The following CNOT4 variants were observed in gnomAD, a reference collection of about 807,000 sequenced individuals.
The protein encoded by CNOT4 is CCR4-NOT transcription complex subunit 4.
A neutral mutation model predicts 73.8 loss-of-function variants in CNOT4; 8 were observed. The ratio of observed to expected loss-of-function variants is 0.11; its 90% confidence interval spans 0.06 to 0.20. The LOEUF is 0.20. CNOT4 is among the 10% of genes least tolerant of loss of function. The pLI, the probability that CNOT4 is intolerant of heterozygous loss-of-function variation, is 1.00. For synonymous variants in CNOT4, 293 were observed against 321.1 expected (o/e 0.91, Z 0.94); for missense variants, 564 against 883.4 (o/e 0.64, Z 4.58).
At chr7:135,416,946 C>G (rs1394088120) in intron 3 of CNOT4, among the ~76,000 whole-genome samples, 1 of 152,124 alleles carries the variant, frequency 6.6e-6, no homozygotes, top group East Asian at 1.9e-4. Flanking sequence ...GTTTATTGAG[C>G]CAGAAACAAA....
chr7:135,407,221 T>G (rs1323580881), intron 7 of CNOT4, among the ~76,000 whole-genome samples: 1 of 152,230 alleles, frequency 6.6e-6, no homozygotes, highest in Non-Finnish European at 1.5e-5. Flanking sequence ...CCTGCAGAAC[T>G]GTGAGCCAAA....
intron 1 of CNOT4, among the ~76,000 whole-genome samples, chr7:135,479,369 C>T (rs1802213992): frequency 6.6e-6 from 1 of 151,206 alleles, no homozygotes; most frequent in Admixed American, 6.6e-5. Context: ...CCACCATGCC[C>T]AGCTAATTTT....
chr7:135,372,946 T>G, intron 10 of CNOT4, among the ~76,000 whole-genome samples: 1 of 152,178 alleles, frequency 6.6e-6, no homozygotes, highest in East Asian at 1.9e-4. Flanking sequence ...GAGCAGTGAT[T>G]CACAGGCCAC....
intron 1 of CNOT4, chr7:135,444,872 C>T: frequency 9.4e-6 from 15 of 1,596,026 alleles, no homozygotes; most frequent in Non-Finnish European, 1.3e-5. Context: ...CTGGGCTTTG[C>T]TATTTCAACT....
intron 1 of CNOT4, among the ~76,000 whole-genome samples, chr7:135,506,465 A>G (rs1329948280): frequency 2.0e-5 from 3 of 152,224 alleles, no homozygotes; most frequent in Non-Finnish European, 4.4e-5. Flanking sequence ...AGTTTTCACA[A>G]ATTAAAACCA....
chr7:135,484,347 G>C (rs1174258784), intron 1 of CNOT4, among the ~76,000 whole-genome samples: 1 of 152,028 alleles, frequency 6.6e-6, no homozygotes, highest in African/African-American at 2.4e-5. Flanking sequence ...AAACAGACTA[G>C]AACAGAAGAA....
At chr7:135,483,413 C>T (rs1011082810) in intron 1 of CNOT4, among the ~76,000 whole-genome samples, 1 of 151,742 alleles carries the variant, frequency 6.6e-6, no homozygotes, top group Non-Finnish European at 1.5e-5. Flanking sequence ...TCCAGGTATG[C>T]AAGGCTGGTT....
chr7:135,455,298 C>CG (rs981897958), intron 1 of CNOT4, among the ~76,000 whole-genome samples: 6 of 149,542 alleles, frequency 4.0e-5, no homozygotes, highest in Admixed American at 6.7e-5. Flanking sequence ...AACTATGTGG[C>CG]GAAAAAAAAA....
chr7:135,444,615 C>T (rs1320886942), intron 1 of CNOT4: 1 of 1,300,412 alleles, frequency 7.7e-7, no homozygotes, highest in African/African-American at 1.5e-5. Flanking sequence ...GTCACCGAGC[C>T]ACCATTCTGG....
intron 1 of CNOT4, among the ~76,000 whole-genome samples, chr7:135,458,953 G>T (rs1160784757): frequency 2.0e-5 from 3 of 152,026 alleles, no homozygotes; most frequent in Middle Eastern, 3.2e-3. Context: ...CTTCTAGAAT[G>T]ATGAATCCTT....
intron 1 of CNOT4, among the ~76,000 whole-genome samples, chr7:135,478,866 C>T (rs780664218): frequency 2.6e-4 from 39 of 152,056 alleles, no homozygotes; most frequent in African/African-American, 8.9e-4. Context: ...CCTAAAAATA[C>T]TAAGATGCTG....
rs528950044 is a variant in CNOT4, at chr7:135,362,791, A to G, written c.*94T>C. ...GATCAGGTACTGGATTCTTCAGAAC[A>G]TAAGAGATGAGAAGGGAGCTGTGGG... is the stretch of plus-strand genomic sequence containing the variant. On this transcript the variant is annotated 3_prime_UTR_variant, in exon 12 of 12. Transcript: ENST00000541284. 227 of 1,160,656 alleles carry G rather than the reference A, an allele frequency of 2.0e-4. 2 individuals carry two copies. In the South Asian group the frequency reaches 2.6e-3, roughly 13 times the overall value. 71.9% of individuals were successfully genotyped at this position (1,160,656 alleles called of 1,614,324 possible).
chr7:135,495,685 A>G (rs1803466470), intron 1 of CNOT4, among the ~76,000 whole-genome samples: 2 of 91,294 alleles, frequency 2.2e-5, no homozygotes, highest in African/African-American at 4.0e-5. Context: ...AAAAAAAAAA[A>G]AAAAAAAAGA....
chr7:135,419,982 G>A lies in CNOT4; in HGVS notation c.372+2174C>T, dbSNP rs534749734. On this transcript the variant is annotated intron_variant, in intron 3 of 11. Coordinates refer to ENST00000541284, the MANE Select transcript of CNOT4 (RefSeq NM_001190850.2). ...ACAGGAGAATCACTTGAACCCAGGG[G>A]GTGGAGGCTGCAGTGAGCTGAGATT... Among the ~76,000 whole-genome samples the A allele has an allele frequency of 3.9e-5, 6 of 152,172 alleles. No homozygotes were observed. In the South Asian group the frequency reaches 6.2e-4, roughly 16 times the overall value.
intron 1 of CNOT4, among the ~76,000 whole-genome samples, chr7:135,467,616 A>G (rs569346057): frequency 6.6e-5 from 10 of 152,238 alleles, no homozygotes; most frequent in East Asian, 3.9e-4. Flanking sequence ...AAGAGATTGG[A>G]GCAAAAGGCT....
chr7:135,437,961 A>G (rs1010268624), intron 2 of CNOT4, among the ~76,000 whole-genome samples, 197 bp downstream of exon 2: 1 of 152,208 alleles, frequency 6.6e-6, no homozygotes, highest in African/African-American at 2.4e-5. Flanking sequence ...TCATACAGCT[A>G]GTAAACAAAG....
chr7:135,461,438 G>A (rs546671703), intron 1 of CNOT4, among the ~76,000 whole-genome samples: 10 of 152,052 alleles, frequency 6.6e-5, no homozygotes, highest in African/African-American at 9.7e-5. Flanking sequence ...CCCAGCTGTG[G>A]CTACATAATG....
rs1585531715 is a variant in CNOT4, at chr7:135,361,879, C to A, written c.*1006G>T. The A allele has an allele frequency of 6.6e-6, 1 of 152,476 alleles. No homozygotes were observed. Among genetic ancestry groups the A allele is most frequent in the Non-Finnish European group, 1.5e-5 (1 of 68,020 alleles). The allele number at this position is 152,476 out of a possible 1,614,324, so 9.4% of individuals were successfully genotyped here. A position where few individuals can be genotyped will look rare whatever the true frequency, so the allele number is the denominator to read the frequency against. On this transcript the variant is annotated 3_prime_UTR_variant, in exon 12 of 12. Coordinates refer to ENST00000541284, the MANE Select transcript of CNOT4 (RefSeq NM_001190850.2). ...TACATTTCCTTGTTTTTAGTTTTAGCGTCAGGTTATAACCAGGTTTCTGTT... is the reference window on the plus strand; with the variant it reads ...TACATTTCCTTGTTTTTAGTTTTAGAGTCAGGTTATAACCAGGTTTCTGTT...
At chr7:135,467,037 T>C (rs1801265362) in intron 1 of CNOT4, among the ~76,000 whole-genome samples, 1 of 152,248 alleles carries the variant, frequency 6.6e-6, no homozygotes, top group Admixed American at 6.5e-5. Context: ...ATTTCAGTTT[T>C]TAGTAATGTT....
Sources: gnomAD v4.1 joint callset for allele counts (sites outside exome capture counted in the v4.1 genomes callset) on GRCh38, gnomAD v4.1.1 for gene constraint, MANE v1.5 for transcripts, NCBI Gene and HGNC (gene_info 2026-07-23, HGNC 2026-07-21) for gene names.